Variants in AGBL1 observed in about 807,000 individuals in gnomAD.
AGBL1 encodes cytosolic carboxypeptidase 4.
Under a neutral mutation model 118.9 loss-of-function variants are expected in AGBL1, and 130 were observed. The observed-to-expected ratio is 1.09, with a 90% CI of 0.95 to 1.26. The LOEUF (loss-of-function observed/expected upper bound fraction) is 1.26, where lower values mean the gene tolerates loss of function less well. AGBL1 is among the 50% of genes most tolerant of loss of function. The pLI is 0.00. For synonymous variants in AGBL1, 555 were observed against 478.9 expected (o/e 1.16, Z -2.08); for missense variants, 1,584 against 1,298.1 (o/e 1.22, Z -3.38).
intron 17 of AGBL1, among the ~76,000 whole-genome samples, chr15:86,307,181 C>A (rs188421459): frequency 2.0e-5 from 3 of 151,990 alleles, no homozygotes; most frequent in African/African-American, 4.8e-5. Flanking sequence ...CTCAGGTGGT[C>A]CATATTTTAA....
intron 21 of AGBL1, among the ~76,000 whole-genome samples, chr15:86,594,836 C>G (rs546968571): frequency 9.2e-5 from 14 of 152,286 alleles, no homozygotes; most frequent in Admixed American, 2.0e-4. Flanking sequence ...TACTTGTATA[C>G]TCACTCTCGT....
At chr15:86,484,698 A>G (rs2082692861) in intron 18 of AGBL1, among the ~76,000 whole-genome samples, 1 of 152,136 alleles carries the variant, frequency 6.6e-6, no homozygotes, top group South Asian at 2.1e-4. Context: ...CCTATTATCA[A>G]TTGATTCCAT....
intron 22 of AGBL1, among the ~76,000 whole-genome samples, chr15:86,819,461 C>A (rs2078909649): frequency 6.6e-6 from 1 of 151,786 alleles, no homozygotes; most frequent in Admixed American, 6.6e-5. Flanking sequence ...AATTAATGTG[C>A]AAAAATCACA....
chr15:86,887,801 T>C (rs1000849268), intron 22 of AGBL1, among the ~76,000 whole-genome samples: 6 of 151,816 alleles, frequency 4.0e-5, no homozygotes, highest in Admixed American at 6.6e-5. Context: ...AATTCTCCAA[T>C]TGAATTAGTA....
intron 14 of AGBL1, among the ~76,000 whole-genome samples, chr15:86,270,708 G>A (rs1033954700): frequency 2.0e-5 from 3 of 152,216 alleles, no homozygotes; most frequent in African/African-American, 7.2e-5. Flanking sequence ...ACAGATTCCT[G>A]TGGGTATGAG....
chr15:86,713,488 AT>A lies in AGBL1; in HGVS notation c.3158+39054del, dbSNP rs538964868. 3.0e-3 allele frequency among the ~76,000 whole-genome samples: 462 copies of A among 152,270 alleles called. 3 individuals carry two copies. The highest frequency in any genetic ancestry group is 0.011 in the African/African-American group (444 of 41,542). ...TGGTCTGGACTGCATGGTTGTTACAATTATAAGTATTACATTGGTATCCCCA... is the reference window on the plus strand; with the variant it reads ...TGGTCTGGACTGCATGGTTGTTACAATATAAGTATTACATTGGTATCCCCA... On this transcript the variant is annotated intron_variant, in intron 22 of 22. Coordinates refer to ENST00000614907, the MANE Select transcript of AGBL1 (RefSeq NM_001386094.1).
At chr15:86,729,914 C>A (rs879886065) in intron 22 of AGBL1, among the ~76,000 whole-genome samples, 2 of 152,170 alleles carry the variant, frequency 1.3e-5, no homozygotes, top group Non-Finnish European at 2.9e-5. Flanking sequence ...TCTCTTTTCT[C>A]CACAACCTCA....
intron 17 of AGBL1, among the ~76,000 whole-genome samples, chr15:86,300,823 C>T (rs2141796294): frequency 6.6e-6 from 1 of 152,270 alleles, no homozygotes; most frequent in East Asian, 1.9e-4. Context: ...TTCTATTCAG[C>T]CTGCCATTAT....
At chr15:86,549,345 T>C (rs1201187202) in intron 20 of AGBL1, among the ~76,000 whole-genome samples, 3 of 152,118 alleles carry the variant, frequency 2.0e-5, no homozygotes, top group Non-Finnish European at 4.4e-5. Context: ...TCAAGATATT[T>C]GAGCACTACA....
At chr15:86,941,535 A>C (rs374207502) in intron 23 of AGBL1, among the ~76,000 whole-genome samples, 11 of 152,292 alleles carry the variant, frequency 7.2e-5, no homozygotes, top group African/African-American at 2.4e-4. Context: ...CTGAGATCCA[A>C]CCTGGCTGGA....
intron 18 of AGBL1, among the ~76,000 whole-genome samples, chr15:86,399,034 G>T (rs1218686494): frequency 6.6e-6 from 1 of 152,110 alleles, no homozygotes; most frequent in Admixed American, 6.5e-5. Context: ...GGCAGAGAAT[G>T]TTGGGCAGAG....
At chr15:86,672,236 G>A (rs2085759303) in intron 21 of AGBL1, among the ~76,000 whole-genome samples, 1 of 152,192 alleles carries the variant, frequency 6.6e-6, no homozygotes, top group African/African-American at 2.4e-5. Context: ...CTTTAATCAA[G>A]GTCTTCTGGA....
chr15:86,957,126 G>A (rs759285460), intron 23 of AGBL1, among the ~76,000 whole-genome samples: 3 of 152,066 alleles, frequency 2.0e-5, no homozygotes, highest in Non-Finnish European at 4.4e-5. Context: ...CATTCTGTGC[G>A]TGTGGGATCT....
At chr15:86,599,985 C>T (rs2084469388) in intron 21 of AGBL1, among the ~76,000 whole-genome samples, 1 of 152,074 alleles carries the variant, frequency 6.6e-6, no homozygotes, top group African/African-American at 2.4e-5. Flanking sequence ...TATATACAGC[C>T]TACTTAAATT....
intron 24 of AGBL1, among the ~76,000 whole-genome samples, chr15:86,989,739 A>G (rs2081320348): frequency 6.6e-6 from 1 of 152,214 alleles, no homozygotes; most frequent in Non-Finnish European, 1.5e-5. Flanking sequence ...AGAGATTGGT[A>G]GGTACTATTT....
chr15:86,153,786 C>T (rs922681813), intron 3 of AGBL1, among the ~76,000 whole-genome samples: 2 of 152,066 alleles, frequency 1.3e-5, no homozygotes, highest in African/African-American at 4.8e-5. Context: ...TAGTTCTAAC[C>T]AATGTTAACA....
At chr15:86,482,758 A>G (rs1299486349) in intron 18 of AGBL1, among the ~76,000 whole-genome samples, 1 of 152,100 alleles carries the variant, frequency 6.6e-6, no homozygotes, top group African/African-American at 2.4e-5. Context: ...AACTGGGTCT[A>G]TACACAGTCA....
intron 17 of AGBL1, among the ~76,000 whole-genome samples, chr15:86,339,242 A>G (rs1302951928): frequency 1.3e-5 from 2 of 152,104 alleles, no homozygotes; most frequent in Non-Finnish European, 2.9e-5. Context: ...CCCGATAGGT[A>G]AGGTGTTATC....
Position 86,978,976 on chromosome 15 carries a change from A to T in AGBL1, c.3222-9011A>T, listed in dbSNP as rs181618070. 9.1e-4 allele frequency among the ~76,000 whole-genome samples: 139 copies of T among 152,240 alleles called. 1 individual carries two copies. The highest frequency in any genetic ancestry group is 3.3e-3 in the African/African-American group (136 of 41,554). Reference sequence around the variant, plus strand: ...CAAATTCACACTCAAACTGAAGGAGATATTAACATGTCTGTATTGAGCATT... The same window carrying T: ...CAAATTCACACTCAAACTGAAGGAGTTATTAACATGTCTGTATTGAGCATT... On this transcript the variant is annotated intron_variant, in intron 23 of 24. Transcript: ENST00000441037.
Sources: gnomAD v4.1 joint callset for allele counts (sites outside exome capture counted in the v4.1 genomes callset) on GRCh38, gnomAD v4.1.1 for gene constraint, MANE v1.5 for transcripts, NCBI Gene and HGNC (gene_info 2026-07-23, HGNC 2026-07-21) for gene names.